NRXN1: variants seen among roughly 807,000 people sequenced by gnomAD.
The protein encoded by NRXN1 is neurexin 1.
NRXN1 carries 39 observed loss-of-function variants against 150.9 expected under a neutral mutation model. The observed-to-expected ratio is 0.26, with a 90% confidence interval of 0.20 to 0.34. The LOEUF (loss-of-function observed/expected upper bound fraction) is 0.34. Ranked by LOEUF, NRXN1 falls within the 10% of genes least tolerant of loss-of-function variation. The pLI, the probability that NRXN1 is intolerant of heterozygous loss-of-function variation, is 1.00. For missense variants in NRXN1, 1,815 were observed against 1,949.9 expected (o/e 0.93, Z 1.30); for synonymous variants, 924 against 757.0 (o/e 1.22, Z -3.62).
intron 22 of NRXN1, among the ~76,000 whole-genome samples, chr2:49,939,391 T>C (rs1264060938): frequency 2.0e-5 from 3 of 152,230 alleles, no homozygotes; most frequent in African/African-American, 7.2e-5. Flanking sequence ...TTCTACCTGT[T>C]CACTAAGAGC....
intron 17 of NRXN1, among the ~76,000 whole-genome samples, chr2:50,410,090 T>C (rs2083037361): frequency 6.6e-6 from 1 of 152,134 alleles, no homozygotes; most frequent in Non-Finnish European, 1.5e-5. Context: ...GCCCCTTCTT[T>C]CTATCCCTCC....
intron 5 of NRXN1, among the ~76,000 whole-genome samples, chr2:50,640,947 T>G (rs573129123): frequency 6.6e-6 from 1 of 152,168 alleles, no homozygotes; most frequent in East Asian, 1.9e-4. Flanking sequence ...ATAAAATAAG[T>G]AGATAAAGAA....
intron 8 of NRXN1, among the ~76,000 whole-genome samples, chr2:50,607,438 T>C (rs1213169707): frequency 6.6e-6 from 1 of 152,130 alleles, no homozygotes. Flanking sequence ...CCCTAAATGG[T>C]TGCTTAAGAC....
chr2:49,964,710 G>C (rs1199075214), intron 21 of NRXN1, among the ~76,000 whole-genome samples: 1 of 151,610 alleles, frequency 6.6e-6, no homozygotes, highest in East Asian at 2.0e-4. Flanking sequence ...ACATGGTGGC[G>C]GGCACCTGTA....
chr2:49,984,467 A>C (rs574843822), intron 21 of NRXN1, among the ~76,000 whole-genome samples: 83 of 152,198 alleles, frequency 5.5e-4, no homozygotes, highest in African/African-American at 1.9e-3. Context: ...TTCCAAAATA[A>C]TGCTTATGAA....
At chr2:49,977,153 A>C (rs1353715523) in intron 21 of NRXN1, among the ~76,000 whole-genome samples, 1 of 152,208 alleles carries the variant, frequency 6.6e-6, no homozygotes, top group Middle Eastern at 3.2e-3. Flanking sequence ...TAAGAGATAC[A>C]AACCTAAAAA....
intron 5 of NRXN1, among the ~76,000 whole-genome samples, chr2:50,749,980 T>G (rs1700404405): frequency 6.6e-6 from 1 of 152,052 alleles, no homozygotes; most frequent in Non-Finnish European, 1.5e-5. Flanking sequence ...TTCGTGGTTT[T>G]AAAATAAAAG....
At chr2:50,950,321 C>T (rs956265021) in intron 2 of NRXN1, among the ~76,000 whole-genome samples, 6 of 152,108 alleles carry the variant, frequency 3.9e-5, no homozygotes, top group Admixed American at 3.3e-4. Flanking sequence ...TAAAAACATA[C>T]ATGTCAAATT....
chr2:50,377,090 C>A (rs1391941315), intron 17 of NRXN1, among the ~76,000 whole-genome samples: 2 of 150,468 alleles, frequency 1.3e-5, no homozygotes, highest in Non-Finnish European at 3.0e-5. Flanking sequence ...CCATTTTTTT[C>A]TTTTAAAAAA....
At chr2:50,230,243 A>T (rs944574486) in intron 18 of NRXN1, among the ~76,000 whole-genome samples, 4 of 152,110 alleles carry the variant, frequency 2.6e-5, no homozygotes, top group African/African-American at 9.6e-5. Context: ...GAGAATGGGA[A>T]GAAATCTTTT....
intron 18 of NRXN1, among the ~76,000 whole-genome samples, chr2:50,114,783 T>A (rs1485849894): frequency 6.6e-6 from 1 of 152,050 alleles, no homozygotes; most frequent in Non-Finnish European, 1.5e-5. Flanking sequence ...CACTGTATGA[T>A]TTCAACTGTG....
chr2:50,005,657 C>T (rs752993421), intron 21 of NRXN1, among the ~76,000 whole-genome samples: 1 of 152,104 alleles, frequency 6.6e-6, no homozygotes, highest in Non-Finnish European at 1.5e-5. Context: ...CCAGAGCTTC[C>T]CATTACCTAG....
At chr2:50,948,971 A>G (rs1352986696) in intron 2 of NRXN1, among the ~76,000 whole-genome samples, 2 of 152,158 alleles carry the variant, frequency 1.3e-5, no homozygotes, top group Non-Finnish European at 2.9e-5. Flanking sequence ...CACCAAAATA[A>G]AAAGGCTTAC....
chr2:50,535,653 T>C (rs35802512), intron 10 of NRXN1, among the ~76,000 whole-genome samples: 42,846 of 152,138 alleles, frequency 0.28, 6,431 homozygotes, highest in East Asian at 0.52. Context: ...AATTTAACTT[T>C]TATTCATTGA....
intron 17 of NRXN1, among the ~76,000 whole-genome samples, chr2:50,436,690 C>T (rs2104416774): frequency 6.6e-6 from 1 of 152,272 alleles, no homozygotes; most frequent in Non-Finnish European, 1.5e-5. Flanking sequence ...TTTTGTACTT[C>T]ACCTGGTATA....
rs747336118 is a variant in NRXN1 at position 50,921,781 on chromosome 2, A to G, written c.832+88T>C. ...ACCTACCTCCCAGTGCCCATTACCA[A>G]TGCCAAAAGGTCTAAATACATTTAT... On this transcript the variant is annotated intron_variant, in intron 5 of 22. Transcript: ENST00000401669. 31 of 553,908 alleles carry G rather than the reference A, an allele frequency of 5.6e-5. No individual in the cohort carries two copies. In the Admixed American group the frequency reaches 6.5e-4, roughly 12 times the overall value. The allele number at this position is 553,908 out of a possible 1,614,324, so 34.3% of individuals were successfully genotyped here.
At chr2:50,684,104 A>AATT (rs1419199869) in intron 5 of NRXN1, among the ~76,000 whole-genome samples, 1 of 152,180 alleles carries the variant, frequency 6.6e-6, no homozygotes, top group Admixed American at 6.5e-5. Flanking sequence ...ACAATACAGT[A>AATT]TACTAATTAC....
intron 10 of NRXN1, among the ~76,000 whole-genome samples, chr2:50,535,129 C>G (rs940091320): frequency 3.9e-5 from 6 of 152,154 alleles, no homozygotes; most frequent in African/African-American, 1.4e-4. Context: ...GGAAAATGCA[C>G]AGGGTTGTAG....
At chr2:49,972,043 T>G (rs1185462345) in intron 21 of NRXN1, among the ~76,000 whole-genome samples, 1 of 152,214 alleles carries the variant, frequency 6.6e-6, no homozygotes, top group Non-Finnish European at 1.5e-5. Flanking sequence ...AGATTGCATT[T>G]AAACATTTTA....
Sources: gnomAD v4.1 joint callset for allele counts (sites outside exome capture counted in the v4.1 genomes callset) on GRCh38, gnomAD v4.1.1 for gene constraint, MANE v1.5 for transcripts, NCBI Gene and HGNC (gene_info 2026-07-23, HGNC 2026-07-21) for gene names.